The following STK3 variants were observed in gnomAD, a reference collection of about 807,000 sequenced individuals.
The protein encoded by STK3 is serine/threonine-protein kinase 3.
STK3 carries 41 observed loss-of-function variants against 58.0 expected under a neutral mutation model. The ratio of observed to expected loss-of-function variants is 0.71; its 90% confidence interval spans 0.55 to 0.92. STK3 has a LOEUF of 0.92. Ranked by LOEUF, STK3 falls within the 40% of genes least tolerant of loss-of-function variation. The pLI, the probability that STK3 is intolerant of heterozygous loss-of-function variation, is 0.00. For missense variants in STK3, 479 were observed against 602.7 expected (o/e 0.79, Z 2.15); for synonymous variants, 170 against 191.0 (o/e 0.89, Z 0.91).
chr8:98,784,509 C>T (rs184484178), intron 1 of STK3, among the ~76,000 whole-genome samples: 6 of 151,554 alleles, frequency 4.0e-5, no homozygotes, highest in Admixed American at 2.0e-4. Flanking sequence ...CTCTGCTCTA[C>T]TCCCTGGCAA....
intron 3 of STK3, among the ~76,000 whole-genome samples, chr8:98,766,572 C>T (rs1563978411): frequency 6.7e-6 from 1 of 149,510 alleles, no homozygotes; most frequent in Non-Finnish European, 1.5e-5. Flanking sequence ...TCCAAGCTAC[C>T]ACCTGGATAA....
At chr8:98,823,391 T>G (rs1312789985) in intron 1 of STK3, among the ~76,000 whole-genome samples, 2 of 152,100 alleles carry the variant, frequency 1.3e-5, no homozygotes, top group Non-Finnish European at 2.9e-5. Context: ...ACCAGGAGAT[T>G]ACAGAAAAAG....
intron 4 of STK3, among the ~76,000 whole-genome samples, chr8:98,737,696 A>T (rs1457126773): frequency 3.3e-5 from 5 of 152,066 alleles, no homozygotes; most frequent in African/African-American, 7.2e-5. Flanking sequence ...CAAATTTAAA[A>T]CGTATATAAT....
intron 1 of STK3, among the ~76,000 whole-genome samples, chr8:98,940,419 C>T (rs569836980): frequency 6.6e-6 from 1 of 152,320 alleles, no homozygotes; most frequent in South Asian, 2.1e-4. Context: ...ACCACGGCCA[C>T]GGCCACGCAA....
At chr8:98,584,231 A>G (rs1371770817) in intron 7 of STK3, among the ~76,000 whole-genome samples, 1 of 151,876 alleles carries the variant, frequency 6.6e-6, no homozygotes, top group Non-Finnish European at 1.5e-5. Context: ...TATATCTCCT[A>G]ATGCTATCCC....
chr8:98,689,868 T>C (rs1460738643), intron 6 of STK3, among the ~76,000 whole-genome samples: 1 of 152,140 alleles, frequency 6.6e-6, no homozygotes, highest in Non-Finnish European at 1.5e-5. Flanking sequence ...GCTTTATTCC[T>C]AGGATGCAAG....
At position 98,742,136 on chromosome 8, in the gene STK3, G is replaced by A. The variant is rs947906122; in HGVS notation, c.351+7140C>T. ...TCCAGGACCAGATGGATTCACAGCCGAATTCTACCAGAGGTACAAGGAGGA... is the reference window on the plus strand; with the variant it reads ...TCCAGGACCAGATGGATTCACAGCCAAATTCTACCAGAGGTACAAGGAGGA... On this transcript the variant is annotated intron_variant, in intron 4 of 10. Transcript: ENST00000419617. 5.8e-4 allele frequency among the ~76,000 whole-genome samples: 88 copies of A among 151,784 alleles called. 1 individual carries two copies. The highest frequency in any genetic ancestry group is 1.7e-3 in the African/African-American group (72 of 41,334).
At chr8:98,773,506 C>T (rs962602827) in intron 2 of STK3, among the ~76,000 whole-genome samples, 5 of 152,052 alleles carry the variant, frequency 3.3e-5, no homozygotes, top group Non-Finnish European at 7.4e-5. Flanking sequence ...CACCTATAAT[C>T]CTAACAATTT....
intron 1 of STK3, among the ~76,000 whole-genome samples, chr8:98,937,082 C>T (rs1840224717): frequency 6.6e-6 from 1 of 152,216 alleles, no homozygotes; most frequent in East Asian, 1.9e-4. Flanking sequence ...TCTTATAAGA[C>T]CAGTATTCTT....
At chr8:98,671,396 A>T (rs1822821311) in intron 6 of STK3, among the ~76,000 whole-genome samples, 1 of 152,212 alleles carries the variant, frequency 6.6e-6, no homozygotes, top group African/African-American at 2.4e-5. Context: ...GAAATGCCAT[A>T]AATTACATAA....
chr8:98,713,126 T>A (rs1343212845), intron 4 of STK3, among the ~76,000 whole-genome samples: 7 of 152,102 alleles, frequency 4.6e-5, no homozygotes, highest in Non-Finnish European at 8.8e-5. Flanking sequence ...CCGGGACACA[T>A]TCAAAGCAGT....
At chr8:98,501,769 T>C (rs1823619167) in intron 10 of STK3, among the ~76,000 whole-genome samples, 1 of 152,262 alleles carries the variant, frequency 6.6e-6, no homozygotes, top group Non-Finnish European at 1.5e-5. Context: ...TCTATTTCTC[T>C]GTTTTGGTAC....
At chr8:98,714,768 A>G (rs1300382640) in intron 4 of STK3, among the ~76,000 whole-genome samples, 2 of 152,236 alleles carry the variant, frequency 1.3e-5, no homozygotes, top group Non-Finnish European at 2.9e-5. Flanking sequence ...TCTTCACAGA[A>G]TTGGAAAAAA....
chr8:98,775,455 G>T (rs146349798), intron 1 of STK3, among the ~76,000 whole-genome samples: 1 of 152,242 alleles, frequency 6.6e-6, no homozygotes, highest in Non-Finnish European at 1.5e-5. Context: ...CACGCCAGAC[G>T]CACCAATGAT....
At chr8:98,360,515 CT>C in the STK3 span, among the ~76,000 whole-genome samples, 287 of 145,734 alleles carry the variant, frequency 2.0e-3, no homozygotes, top group Middle Eastern at 3.6e-3. Context: ...CAATTTCTTT[CT>C]TTTTTTTTTT....
chr8:98,458,783 C>T (rs559248820), intron 10 of STK3, among the ~76,000 whole-genome samples: 7 of 152,292 alleles, frequency 4.6e-5, no homozygotes, highest in East Asian at 1.9e-4. Context: ...CCTCTCACCA[C>T]GTGAGAAGGT....
chr8:98,902,967 T>A (rs543696327), intron 1 of STK3, among the ~76,000 whole-genome samples: 1 of 152,194 alleles, frequency 6.6e-6, no homozygotes, highest in Non-Finnish European at 1.5e-5. Context: ...CCCAAGCCTC[T>A]CAATCACCAC....
intron 3 of STK3, chr8:98,427,789 G>A (rs1818259517): frequency 3.6e-6 from 2 of 562,586 alleles, no homozygotes; most frequent in South Asian, 2.5e-5. Context: ...TTCCTGGGAG[G>A]GGATCAGACC....
intron 6 of STK3, among the ~76,000 whole-genome samples, chr8:98,655,452 A>G (rs569891641): frequency 3.3e-5 from 5 of 152,354 alleles, no homozygotes; most frequent in East Asian, 3.9e-4. Context: ...AAAATGCCAA[A>G]AGCAATGGCA....
Sources: gnomAD v4.1 joint callset for allele counts (sites outside exome capture counted in the v4.1 genomes callset) on GRCh38, gnomAD v4.1.1 for gene constraint, MANE v1.5 for transcripts, NCBI Gene and HGNC (gene_info 2026-07-23, HGNC 2026-07-21) for gene names.